DOCK8: variants seen among roughly 807,000 people sequenced by gnomAD.
DOCK8 encodes the protein dedicator of cytokinesis protein 8.
A neutral mutation model predicts 245.6 loss-of-function variants in DOCK8; 141 were observed. The observed-to-expected ratio is 0.57, with a 90% CI of 0.50 to 0.66. DOCK8 has a LOEUF of 0.66. Among genes scored for constraint, DOCK8 ranks in the 30% least tolerant of loss-of-function variants. The pLI, the probability that DOCK8 is intolerant of heterozygous loss-of-function variation, is 0.00. For missense variants in DOCK8, 2,965 were observed against 2,603.4 expected, an observed-to-expected ratio of 1.14 and a Z score of -3.02; for synonymous variants, 1,168 against 970.2, an observed-to-expected ratio of 1.20 and a Z score of -3.79.
intron 45 of DOCK8, among the ~76,000 whole-genome samples, chr9:450,867 G>A (rs1039720813): frequency 4.6e-5 from 7 of 151,174 alleles, no homozygotes; most frequent in South Asian, 4.2e-4. Context: ...AATGATGTTT[G>A]CCATGAAGGC....
At chr9:272,451 C>T (rs942075890) in intron 2 of DOCK8, among the ~76,000 whole-genome samples, 1 of 152,250 alleles carries the variant, frequency 6.6e-6, no homozygotes, top group Non-Finnish European at 1.5e-5. Context: ...GGTGTGATCT[C>T]AGCTCACTGC....
intron 36 of DOCK8, among the ~76,000 whole-genome samples, chr9:431,900 C>T (rs533859545): frequency 6.6e-6 from 1 of 152,190 alleles, no homozygotes; most frequent in African/African-American, 2.4e-5. Context: ...TTCCAGCTTG[C>T]AGCACAAAGG....
intron 1 of DOCK8, among the ~76,000 whole-genome samples, chr9:256,991 C>G (rs1415952931): frequency 6.6e-6 from 1 of 152,206 alleles, no homozygotes; most frequent in Non-Finnish European, 1.5e-5. Context: ...CTCTCCTTCT[C>G]CAAATATTCA....
At chr9:294,121 C>T (rs1308383055) in intron 4 of DOCK8, among the ~76,000 whole-genome samples, 1 of 152,176 alleles carries the variant, frequency 6.6e-6, no homozygotes, top group Admixed American at 6.5e-5. Flanking sequence ...CTGTCCATGT[C>T]AGAGCTATAT....
upstream of DOCK8, chr9:213,749 T>C (rs1003923811): frequency 1.3e-5 from 2 of 151,314 alleles, no homozygotes; most frequent in Admixed American, 6.6e-5. Context: ...TTTTTTCTTT[T>C]AGACGGAGAC....
chr9:296,345 T>C (rs1470716178), intron 4 of DOCK8, among the ~76,000 whole-genome samples: 1 of 152,252 alleles, frequency 6.6e-6, no homozygotes, highest in Non-Finnish European at 1.5e-5. Context: ...TCAGAATGTT[T>C]TTGATGCCTG....
intron 7 of DOCK8, among the ~76,000 whole-genome samples, chr9:324,880 A>G (rs150595095): frequency 6.6e-6 from 1 of 152,256 alleles, no homozygotes; most frequent in Non-Finnish European, 1.5e-5. Context: ...ACATGGATGA[A>G]TTGTATAGTA....
chr9:214,336 A>AT, upstream of DOCK8: 1 of 644,282 alleles, frequency 1.6e-6, no homozygotes, highest in East Asian at 3.2e-5. Context: ...TTGAGAACTC[A>AT]TAATGTTTAT....
chr9:411,484 G>C (rs1564030515), intron 28 of DOCK8, among the ~76,000 whole-genome samples: 1 of 151,874 alleles, frequency 6.6e-6, no homozygotes, highest in South Asian at 2.1e-4. Flanking sequence ...AACCTGGGGG[G>C]CTTTACTGAT....
intron 2 of DOCK8, among the ~76,000 whole-genome samples, chr9:279,100 G>C (rs1037801628): frequency 3.9e-5 from 6 of 152,206 alleles, no homozygotes; most frequent in Admixed American, 3.3e-4. Flanking sequence ...TTTCTGATGG[G>C]TGATATGTAG....
Position 334,240 on chromosome 9 carries a change from G to C in DOCK8, c.1141G>C (p.Glu381Gln), listed in dbSNP as rs368637845. 1.2e-6 allele frequency: 2 copies of C among 1,614,060 alleles called. No individual in the cohort carries two copies. Among genetic ancestry groups the C allele is most frequent in the African/African-American group, 2.7e-5 (2 of 74,926 alleles). ...TTTCCTCCAGAGTAAAGAAAAGATT[G>C]AAAAACTAAAACTCCAAGCTGAATC... The part of the protein sequence containing the change: ...SDGGKSKEKI[E>Q]KLKLQAESFC... Residue 381 changes from glutamate (E) to glutamine (Q), a missense_variant, in exon 11 of 48, where the codon GAA becomes CAA. Coordinates refer to ENST00000432829, the MANE Select transcript of DOCK8 (RefSeq NM_203447.4).
chr9:221,574 G>A (rs2046882633), intron 1 of DOCK8, among the ~76,000 whole-genome samples: 1 of 151,902 alleles, frequency 6.6e-6, no homozygotes, highest in Non-Finnish European at 1.5e-5. Context: ...CACTTTTGGA[G>A]GCCAAGGTGA....
chr9:410,741 A>G (rs963153537), intron 28 of DOCK8, among the ~76,000 whole-genome samples: 3 of 152,258 alleles, frequency 2.0e-5, no homozygotes, highest in African/African-American at 7.2e-5. Flanking sequence ...TAAATGAAAT[A>G]AAGAATAGAA....
intron 33 of DOCK8, among the ~76,000 whole-genome samples, chr9:424,407 T>C (rs2056403606): frequency 6.6e-6 from 1 of 152,046 alleles, no homozygotes; most frequent in Non-Finnish European, 1.5e-5. Flanking sequence ...TTCTTTTCTT[T>C]TTTTTTTCTT....
At chr9:451,414 G>A (rs2057432770) in intron 45 of DOCK8, among the ~76,000 whole-genome samples, 1 of 152,142 alleles carries the variant, frequency 6.6e-6, no homozygotes, top group Admixed American at 6.6e-5. Context: ...CTTGAGGCCA[G>A]GAGTTCAAGA....
intron 25 of DOCK8, among the ~76,000 whole-genome samples, chr9:398,833 G>A (rs1029468696): frequency 1.3e-5 from 2 of 151,450 alleles, no homozygotes; most frequent in Non-Finnish European, 2.9e-5. Context: ...AAGTTACCAG[G>A]ATATAAAAAA....
chr9:276,319 T>C (rs144868199), intron 2 of DOCK8, among the ~76,000 whole-genome samples: 276 of 152,360 alleles, frequency 1.8e-3, no homozygotes, highest in African/African-American at 6.3e-3. Flanking sequence ...TTACTAACCC[T>C]ACAGATATAT....
At chr9:337,053 A>G (rs934668673) in intron 12 of DOCK8, among the ~76,000 whole-genome samples, 20 of 152,076 alleles carry the variant, frequency 1.3e-4, no homozygotes, top group Admixed American at 1.2e-3. Context: ...CTGTTCTTAT[A>G]AAGCCACCAG....
rs773500215 is a variant in DOCK8 at position 396,779 on chromosome 9, C to T, written c.2971-6C>T. 4.3e-5 allele frequency: 70 copies of T among 1,614,158 alleles called. 1 individual carries two copies. In the Middle Eastern group the frequency reaches 3.5e-3, roughly 80 times the overall value. ...ATGTTGACATTTCCTCCATCCCCCT[C>T]CGCAGGTGAAAAGCATGGCCCAGCA... On this transcript the variant is annotated splice_region_variant and splice_polypyrimidine_tract_variant and intron_variant, in intron 24 of 47. Transcript: ENST00000432829.
Sources: gnomAD v4.1 joint callset for allele counts (sites outside exome capture counted in the v4.1 genomes callset) on GRCh38, gnomAD v4.1.1 for gene constraint, MANE v1.5 for transcripts, NCBI Gene and HGNC (gene_info 2026-07-23, HGNC 2026-07-21) for gene names.